The following RIC1 variants were observed in gnomAD, a reference collection of about 807,000 sequenced individuals.
RIC1 encodes the protein RIC1 partner of RAB6A GEF complex.
In RIC1, 88 loss-of-function variants were observed where a neutral mutation model predicts 169.0. That is an observed-to-expected ratio of 0.52 (90% CI 0.44 to 0.62). The LOEUF is 0.62. Ranked by LOEUF, RIC1 falls within the 20% of genes least tolerant of loss-of-function variation. RIC1 has a pLI of 0.00. For synonymous variants in RIC1, 790 were observed against 601.5 expected (o/e 1.31, Z -4.59); for missense variants, 1,877 against 1,725.5 (o/e 1.09, Z -1.56).
chr9:5,777,613 G>T (rs897655644), downstream of RIC1, among the ~76,000 whole-genome samples: 2 of 152,048 alleles, frequency 1.3e-5, no homozygotes, highest in African/African-American at 4.8e-5. Flanking sequence ...TAAGTTTTAA[G>T]AATTTTATAG....
chr9:5,724,460 C>A (rs936876168), intron 6 of RIC1, among the ~76,000 whole-genome samples: 14 of 152,182 alleles, frequency 9.2e-5, no homozygotes, highest in African/African-American at 3.4e-4. Flanking sequence ...AGATTTTGCG[C>A]TGAGACTATG....
intron 2 of RIC1, among the ~76,000 whole-genome samples, chr9:5,688,773 T>C (rs1821411024): frequency 6.6e-6 from 1 of 152,138 alleles, no homozygotes; most frequent in Admixed American, 6.6e-5. Flanking sequence ...TTTGAAACCT[T>C]GGATAATTTC....
At chr9:5,737,859 A>C (rs1414592259) in intron 7 of RIC1, among the ~76,000 whole-genome samples, 1 of 151,886 alleles carries the variant, frequency 6.6e-6, no homozygotes, top group African/African-American at 2.4e-5. Flanking sequence ...GAAAATTATA[A>C]GGAAGAAATA....
At chr9:5,691,948 T>C (rs1330281014) in intron 3 of RIC1, among the ~76,000 whole-genome samples, 1 of 152,068 alleles carries the variant, frequency 6.6e-6, no homozygotes, top group Non-Finnish European at 1.5e-5. Flanking sequence ...TCCAGAAAAG[T>C]TTTAAGAAAC....
In RIC1 at chr9:5,742,990, T is replaced by G. The variant is rs1222170448; in HGVS notation, c.1023T>G (p.Ile341Met). The G allele has an allele frequency of 6.8e-6, 11 of 1,610,980 alleles. No homozygotes were observed. Among genetic ancestry groups the G allele is most frequent in the Admixed American group, 1.7e-5 (1 of 59,532 alleles). Residue 341 changes from isoleucine (I) to methionine (M), a missense_variant, in exon 9 of 26, where the codon ATT becomes ATG. By Grantham distance (10) the Ile-to-Met change is conservative. Transcript: ENST00000414202. ...SLWSVFGAQL[I>M]CTLGGDFAYR... The stretch of plus-strand genomic sequence containing the variant: ...GGAGTGTTTTTGGAGCACAGCTGAT[T>G]TGTACACTTGGAGGAGATTTTGCGT...
intron 2 of RIC1, among the ~76,000 whole-genome samples, chr9:5,666,065 C>T (rs934864575): frequency 1.1e-4 from 17 of 152,146 alleles, no homozygotes; most frequent in Admixed American, 3.3e-4. Context: ...GCCTACCCCA[C>T]CACTCAGGTA....
intron 1 of RIC1, among the ~76,000 whole-genome samples, chr9:5,640,313 C>G (rs1317504976): frequency 6.6e-6 from 1 of 152,164 alleles, no homozygotes; most frequent in East Asian, 1.9e-4. Context: ...CAACTTAACA[C>G]TGATTGTATA....
At chr9:5,653,836 TCTGC>T (rs1308331840) in intron 1 of RIC1, among the ~76,000 whole-genome samples, 1 of 152,164 alleles carries the variant, frequency 6.6e-6, no homozygotes, top group Non-Finnish European at 1.5e-5. Context: ...GACCTGGTGA[TCTGC>T]CTGCCTCAGC....
At chr9:5,663,348 G>T (rs1819566222) in intron 2 of RIC1, among the ~76,000 whole-genome samples, 1 of 152,128 alleles carries the variant, frequency 6.6e-6, no homozygotes, top group Non-Finnish European at 1.5e-5. Flanking sequence ...AGGTCCACTT[G>T]ATCTAGAGCT....
intron 6 of RIC1, among the ~76,000 whole-genome samples, chr9:5,721,488 C>T (rs548731187): frequency 7.2e-5 from 11 of 152,218 alleles, no homozygotes; most frequent in Admixed American, 2.6e-4. Flanking sequence ...GGGTCCTACC[C>T]GCTGAACAAG....
chr9:5,673,559 A>ATATAT (rs1554663256), intron 2 of RIC1, among the ~76,000 whole-genome samples: 14 of 92,714 alleles, frequency 1.5e-4, no homozygotes, highest in African/African-American at 4.2e-4. Flanking sequence ...TATATATATA[A>ATATAT]ATAAATGTTG....
intron 6 of RIC1, among the ~76,000 whole-genome samples, chr9:5,726,398 T>A (rs1219290499): frequency 6.6e-6 from 1 of 152,216 alleles, no homozygotes; most frequent in African/African-American, 2.4e-5. Context: ...TTGTTTTCCA[T>A]TTGCTTGGTT....
At chr9:5,738,406 A>G (rs377262519) in intron 7 of RIC1, 44 bp from the exon 8 acceptor site, 982 of 1,305,758 alleles carry the variant, frequency 7.5e-4, no homozygotes, top group Non-Finnish European at 1.0e-3. Context: ...TTCTATTTGT[A>G]TTTGTCTTTT....
intron 4 of RIC1, among the ~76,000 whole-genome samples, chr9:5,714,301 T>C (rs976005181): frequency 3.9e-5 from 6 of 152,178 alleles, no homozygotes; most frequent in Non-Finnish European, 5.9e-5. Flanking sequence ...AAAACAATAC[T>C]GATGAAAGCA....
chr9:5,714,260 TTTGA>T (rs1289475209), intron 4 of RIC1, among the ~76,000 whole-genome samples: 2 of 152,164 alleles, frequency 1.3e-5, no homozygotes, highest in Admixed American at 1.3e-4. Context: ...TCTAGAATTG[TTTGA>T]TTGAGTGATA....
intron 1 of RIC1, among the ~76,000 whole-genome samples, chr9:5,651,317 C>G (rs748350671): frequency 4.6e-5 from 7 of 151,760 alleles, no homozygotes; most frequent in Admixed American, 6.6e-5. Context: ...AGTGTTGTGT[C>G]TTAGATGTTC....
chr9:5,772,343 T>C (rs1827279974), intron 23 of RIC1, among the ~76,000 whole-genome samples: 1 of 152,190 alleles, frequency 6.6e-6, no homozygotes, highest in Admixed American at 6.5e-5. Flanking sequence ...GCTTCATAGG[T>C]GGTGGTAGTA....
chr9:5,652,776 C>G (rs929531580), intron 1 of RIC1, among the ~76,000 whole-genome samples: 4 of 151,854 alleles, frequency 2.6e-5, no homozygotes, highest in Admixed American at 6.6e-5. Context: ...GTATCCTTGT[C>G]TTATTCCAGA....
In RIC1 at chr9:5,765,525, A is replaced by G. The variant is rs758899463; in HGVS notation, c.2953A>G (p.Ile985Val). ...ACACATGATTCGATTTCTTAAAGCC[A>G]TTGGCTCTGGAGAATCTGAGACACC... ...CRHMIRFLKA[I>V]GSGESETPPS... The change falls in exon 20 of 26, where the codon ATT (isoleucine) becomes GTT (valine). Residue 985 changes from isoleucine to valine, a missense_variant. Ile to Val is a conservative substitution (Grantham distance 29). Coordinates refer to ENST00000414202, the MANE Select transcript of RIC1 (RefSeq NM_020829.4). 1 of 1,614,050 alleles carries G rather than the reference A, an allele frequency of 6.2e-7. No individual in the cohort carries two copies. Among genetic ancestry groups the G allele is most frequent in the African/African-American group, 1.3e-5 (1 of 74,932 alleles).
Sources: allele counts gnomAD v4.1 joint callset (sites outside exome capture counted in the v4.1 genomes callset), GRCh38; gene constraint gnomAD v4.1.1; transcripts MANE v1.5; gene names NCBI Gene and HGNC (gene_info 2026-07-23, HGNC 2026-07-21).